The following MGAT5 variants were observed in gnomAD, a reference collection of about 807,000 sequenced individuals.
MGAT5 encodes alpha-1,6-mannosylglycoprotein 6-beta-N-acetylglucosaminyltransferase A.
A neutral mutation model predicts 94.3 loss-of-function variants in MGAT5; 30 were observed. That is an observed-to-expected ratio of 0.32 (90% confidence interval 0.24 to 0.43). The LOEUF is 0.43. Ranked by LOEUF, MGAT5 falls within the 20% of genes least tolerant of loss-of-function variation. The probability of loss-of-function intolerance (pLI) is 1.00; values close to 1 mark genes in which losing one functional copy is unlikely to be tolerated. For synonymous variants in MGAT5, 310 were observed against 322.9 expected, an observed-to-expected ratio of 0.96 and a Z score of 0.43; for missense variants, 691 against 905.5, an observed-to-expected ratio of 0.76 and a Z score of 3.04.
At chr2:134,434,428 ATTG>A (rs1273690658) in intron 14 of MGAT5, among the ~76,000 whole-genome samples, 1 of 152,234 alleles carries the variant, frequency 6.6e-6, no homozygotes, top group African/African-American at 2.4e-5. Flanking sequence ...GGTTGAAATA[ATTG>A]TTAGGGAAGG....
At chr2:134,297,460 T>C (rs1168419991) in intron 2 of MGAT5, among the ~76,000 whole-genome samples, 1 of 152,130 alleles carries the variant, frequency 6.6e-6, no homozygotes, top group Non-Finnish European at 1.5e-5. Flanking sequence ...CAACAGACCA[T>C]GAACTCCTAT....
intron 1 of MGAT5, among the ~76,000 whole-genome samples, chr2:134,191,248 A>G (rs1689361390): frequency 1.3e-5 from 2 of 152,252 alleles, no homozygotes; most frequent in Non-Finnish European, 2.9e-5. Flanking sequence ...CTTTGAGAGC[A>G]TGGGGTATTG....
intron 1 of MGAT5, among the ~76,000 whole-genome samples, chr2:134,223,982 C>G (rs2105364916): frequency 6.6e-6 from 1 of 152,278 alleles, no homozygotes; most frequent in African/African-American, 2.4e-5. Context: ...AATTTGCTTA[C>G]AAAAACATAC....
intron 1 of MGAT5, among the ~76,000 whole-genome samples, chr2:134,266,427 G>C (rs1473067103): frequency 2.6e-5 from 4 of 152,076 alleles, no homozygotes; most frequent in Non-Finnish European, 5.9e-5. Flanking sequence ...CACCATGTTG[G>C]TCAGGCCGGT....
At chr2:134,195,421 T>C (rs1352000080) in intron 1 of MGAT5, among the ~76,000 whole-genome samples, 1 of 152,250 alleles carries the variant, frequency 6.6e-6, no homozygotes, top group Non-Finnish European at 1.5e-5. Context: ...ACAATTCTTA[T>C]GTTTTTATCT....
intron 1 of MGAT5, among the ~76,000 whole-genome samples, chr2:134,160,625 G>C (rs988004851): frequency 6.6e-6 from 1 of 152,234 alleles, no homozygotes; most frequent in Admixed American, 6.5e-5. Context: ...ATGCTGGTTT[G>C]TTGTGTGTAA....
rs760723277 is a variant in MGAT5, at chr2:134,270,581, G to C, written c.406+31G>C. 5.0e-6 allele frequency: 8 copies of C among 1,610,034 alleles called. No individual in the cohort carries two copies. In the South Asian group the frequency reaches 8.8e-5, roughly 18 times the overall value. ...AATAGCAATTCTCTGCCCTGATATG[G>C]AGTCACACCCTGCTTTGGACCAAGA... On this transcript the variant is annotated intron_variant, in intron 2 of 15. Coordinates refer to ENST00000281923, the MANE Select transcript of MGAT5 (RefSeq NM_002410.5).
chr2:134,152,913 T>C (rs1687294086), intron 1 of MGAT5, among the ~76,000 whole-genome samples: 1 of 133,152 alleles, frequency 7.5e-6, no homozygotes, highest in South Asian at 2.6e-4. Context: ...TTTTTTTTTT[T>C]TTTTTTTTGA....
Position 134,280,829 on chromosome 2 carries a change from C to A in MGAT5, c.406+10279C>A, listed in dbSNP as rs145920277. On this transcript the variant is annotated intron_variant, in intron 2 of 15. Coordinates refer to ENST00000281923, the MANE Select transcript of MGAT5 (RefSeq NM_002410.5). ...GGTGCTGGGCACAAAATAAGAGCTC[C>A]GTAAGCTTTGGCTATTGCCTCATAC... Among the ~76,000 whole-genome samples, 706 of 152,332 alleles carry A rather than the reference C, an allele frequency of 4.6e-3. 8 individuals carry two copies. Among genetic ancestry groups the A allele is most frequent in the African/African-American group, 0.016 (650 of 41,586 alleles).
intron 4 of MGAT5, among the ~76,000 whole-genome samples, chr2:134,328,526 A>G (rs571979630): frequency 3.2e-4 from 49 of 152,194 alleles, no homozygotes; most frequent in African/African-American, 1.1e-3. Flanking sequence ...ATAAAATGAG[A>G]ACAGTAAAGC....
chr2:134,401,002 C>T (rs1683016928), intron 10 of MGAT5, among the ~76,000 whole-genome samples: 1 of 152,050 alleles, frequency 6.6e-6, no homozygotes, highest in Non-Finnish European at 1.5e-5. Context: ...AGAGTGGCTC[C>T]AGGCCCTAGT....
Position 134,440,768 on chromosome 2 carries a change from G to A in MGAT5, c.1870-990G>A, listed in dbSNP as rs141266147. On this transcript the variant is annotated intron_variant, in intron 14 of 15. Transcript: ENST00000281923. Reference sequence around the variant, plus strand: ...TAGTGATTGATTGATAGTGAATTATGAGGTGGGAGGAGGCACTTCTTACGA... The same window carrying A: ...TAGTGATTGATTGATAGTGAATTATAAGGTGGGAGGAGGCACTTCTTACGA... Among the ~76,000 whole-genome samples the A allele has an allele frequency of 2.0e-3, 302 of 152,302 alleles. 3 individuals carry two copies. Among genetic ancestry groups the A allele is most frequent in the Non-Finnish European group, 2.8e-3 (191 of 68,024 alleles).
chr2:134,338,498 G>A, intron 6 of MGAT5, 78 bp downstream of exon 6: 3 of 1,418,208 alleles, frequency 2.1e-6, no homozygotes, highest in Middle Eastern at 3.7e-4. Context: ...ACAAGACTAA[G>A]AGAAATGTCA....
chr2:134,338,128 G>T, intron 5 of MGAT5, 131 bp from the exon 6 acceptor site: 1 of 754,310 alleles, frequency 1.3e-6, no homozygotes. Flanking sequence ...AGCTGCAGCA[G>T]ACAAGACTTA....
At chr2:134,214,515 C>A (rs1450623400) in intron 1 of MGAT5, among the ~76,000 whole-genome samples, 2 of 151,896 alleles carry the variant, frequency 1.3e-5, no homozygotes, top group Non-Finnish European at 2.9e-5. Flanking sequence ...TTTTGGGCCG[C>A]ATTCAAAGCT....
At chr2:134,324,466 G>C (rs931327117) in intron 4 of MGAT5, among the ~76,000 whole-genome samples, 2 of 152,120 alleles carry the variant, frequency 1.3e-5, no homozygotes, top group East Asian at 3.9e-4. Flanking sequence ...TATTGGCTGA[G>C]CATGTAATTA....
intron 14 of MGAT5, among the ~76,000 whole-genome samples, chr2:134,432,495 A>G (rs1432810772): frequency 2.0e-5 from 3 of 152,218 alleles, no homozygotes; most frequent in Non-Finnish European, 4.4e-5. Context: ...AGGTGGGAGC[A>G]ATGGTAGAGG....
At chr2:134,334,260 G>GT (rs775767792) in intron 4 of MGAT5, among the ~76,000 whole-genome samples, 2 of 152,116 alleles carry the variant, frequency 1.3e-5, no homozygotes, top group African/African-American at 4.8e-5. Flanking sequence ...ACCTGGGACT[G>GT]TATTTTCATC....
intron 4 of MGAT5, among the ~76,000 whole-genome samples, chr2:134,320,872 G>A (rs1308186648): frequency 1.3e-5 from 2 of 152,046 alleles, no homozygotes; most frequent in African/African-American, 2.4e-5. Context: ...CTTTTGCCTG[G>A]GTGCATTCAA....
Sources: allele counts gnomAD v4.1 joint callset (sites outside exome capture counted in the v4.1 genomes callset), GRCh38; gene constraint gnomAD v4.1.1; transcripts MANE v1.5; gene names NCBI Gene and HGNC (gene_info 2026-07-23, HGNC 2026-07-21).